The following PRKCE variants were observed in gnomAD, a reference collection of about 807,000 sequenced individuals.
PRKCE encodes the protein protein kinase C epsilon type.
A neutral mutation model predicts 85.4 loss-of-function variants in PRKCE; 16 were observed. That is an observed-to-expected ratio of 0.19 (90% CI 0.13 to 0.28). PRKCE has a LOEUF of 0.28. Ranked by LOEUF, PRKCE falls within the 10% of genes least tolerant of loss-of-function variation. PRKCE has a pLI of 1.00. For missense variants in PRKCE, 573 were observed against 975.2 expected, an observed-to-expected ratio of 0.59 and a Z score of 5.49; for synonymous variants, 388 against 371.5, an observed-to-expected ratio of 1.04 and a Z score of -0.51.
intron 10 of PRKCE, among the ~76,000 whole-genome samples, chr2:46,040,961 C>T (rs1708183945): frequency 6.6e-6 from 1 of 152,164 alleles, no homozygotes; most frequent in Admixed American, 6.5e-5. Flanking sequence ...CCATATGTAC[C>T]AGGAATGAGA....
At chr2:45,756,544 T>G (rs1684020801) in intron 1 of PRKCE, among the ~76,000 whole-genome samples, 1 of 152,226 alleles carries the variant, frequency 6.6e-6, no homozygotes, top group Non-Finnish European at 1.5e-5. Flanking sequence ...TCATGAATGT[T>G]CATAGCAGCT....
At chr2:45,679,941 C>A (rs541445671) in intron 1 of PRKCE, among the ~76,000 whole-genome samples, 1 of 152,270 alleles carries the variant, frequency 6.6e-6, no homozygotes, top group East Asian at 1.9e-4. Context: ...TAGGCTCTGC[C>A]CTGTCTCCAT....
chr2:46,010,992 TA>T, intron 10 of PRKCE: 1 of 1,345,006 alleles, frequency 7.4e-7, no homozygotes, highest in African/African-American at 1.5e-5. Flanking sequence ...AACACAAATA[TA>T]AGGCAGCATT....
intron 1 of PRKCE, among the ~76,000 whole-genome samples, chr2:45,787,354 CAG>C (rs57126648): frequency 7.3e-5 from 11 of 150,982 alleles, no homozygotes; most frequent in African/African-American, 1.2e-4. Flanking sequence ...GAGACAGAGA[CAG>C]AGAGAGAGAG....
rs150097726 is a variant in PRKCE, at chr2:45,907,863, G to T, written c.412+64800G>T. On this transcript the variant is annotated intron_variant, in intron 2 of 14. Transcript: ENST00000306156. This position sits in a 1 kb window ranked among gnomAD's most constrained non-coding sequence, Gnocchi z 4.5. ...TCTGAGCTAATAATACTTGCCGAGT[G>T]CTGAGAACAGTGCCTGGTATCTATG... Among the ~76,000 whole-genome samples the T allele has an allele frequency of 6.1e-3, 931 of 152,314 alleles. 5 individuals are homozygous for T. Among genetic ancestry groups the T allele is most frequent in the Non-Finnish European group, 8.6e-3 (586 of 68,034 alleles).
intron 1 of PRKCE, among the ~76,000 whole-genome samples, chr2:45,719,730 C>A (rs79313488): frequency 2.6e-5 from 4 of 152,170 alleles, no homozygotes; most frequent in African/African-American, 9.6e-5. Flanking sequence ...CTAGATCAAA[C>A]AAAATCATAA....
At chr2:45,988,377 T>TTG (rs1363155341) in intron 6 of PRKCE, among the ~76,000 whole-genome samples, 1 of 152,200 alleles carries the variant, frequency 6.6e-6, no homozygotes, top group Non-Finnish European at 1.5e-5. Context: ...GGTTCAAGCA[T>TTG]TGTGTGTGTA....
At chr2:46,002,908 C>G (rs112469515) in intron 7 of PRKCE, among the ~76,000 whole-genome samples, 8 of 152,312 alleles carry the variant, frequency 5.3e-5, no homozygotes, top group African/African-American at 1.9e-4. Context: ...GAATCTTTGT[C>G]ATGAAACATT....
At chr2:45,844,241 C>T (rs988852215) in intron 2 of PRKCE, among the ~76,000 whole-genome samples, 1 of 152,126 alleles carries the variant, frequency 6.6e-6, no homozygotes, top group Non-Finnish European at 1.5e-5. Context: ...TAGAATTAGG[C>T]CCTCTTTTAA....
chr2:45,908,161 T>G (rs1336362843), intron 2 of PRKCE, among the ~76,000 whole-genome samples: 1 of 152,138 alleles, frequency 6.6e-6, no homozygotes, highest in African/African-American at 2.4e-5. Context: ...ATGTGGCCCC[T>G]CACTGTGCCT....
chr2:45,710,860 A>G, intron 1 of PRKCE, among the ~76,000 whole-genome samples: 1 of 152,246 alleles, frequency 6.6e-6, no homozygotes, highest in East Asian at 1.9e-4. Context: ...CTGGCAGGCC[A>G]GATGACACAA....
chr2:45,794,736 C>T (rs529540511), intron 1 of PRKCE, among the ~76,000 whole-genome samples: 14 of 152,100 alleles, frequency 9.2e-5, no homozygotes, highest in South Asian at 2.1e-4. Flanking sequence ...TTGGACTGTT[C>T]GAATACAAGC....
At chr2:45,750,807 T>C (rs1683496829) in intron 1 of PRKCE, among the ~76,000 whole-genome samples, 1 of 152,144 alleles carries the variant, frequency 6.6e-6, no homozygotes, top group African/African-American at 2.4e-5. Context: ...GCATGCTTGG[T>C]AAGTGTGTGG....
chr2:46,163,541 C>T (rs1677992752), intron 14 of PRKCE, among the ~76,000 whole-genome samples: 2 of 113,124 alleles, frequency 1.8e-5, no homozygotes, highest in South Asian at 7.3e-4. Context: ...GAGGCACTCC[C>T]CACAGAGGCC....
chr2:46,025,489 G>A (rs374591168), intron 10 of PRKCE, among the ~76,000 whole-genome samples: 1 of 152,208 alleles, frequency 6.6e-6, no homozygotes, highest in Non-Finnish European at 1.5e-5. Context: ...GTGAACCAGA[G>A]AATGAAAATC....
chr2:45,683,008 G>A (rs1394250663), intron 1 of PRKCE, among the ~76,000 whole-genome samples: 1 of 152,164 alleles, frequency 6.6e-6, no homozygotes, highest in East Asian at 1.9e-4. Flanking sequence ...AAAGAATATT[G>A]TACGTCTTTT....
At chr2:45,972,070 C>T (rs753570440) in intron 2 of PRKCE, among the ~76,000 whole-genome samples, 1 of 152,216 alleles carries the variant, frequency 6.6e-6, no homozygotes, top group Non-Finnish European at 1.5e-5. Flanking sequence ...TACAATTTTA[C>T]ATTCCCATGA....
intron 11 of PRKCE, among the ~76,000 whole-genome samples, chr2:46,134,397 G>A (rs140905086): frequency 2.6e-5 from 4 of 152,314 alleles, no homozygotes; most frequent in African/African-American, 9.6e-5. Context: ...GGATGGATGA[G>A]GCTAGAAGGC....
chr2:45,835,404 C>T (rs752803360), intron 1 of PRKCE, among the ~76,000 whole-genome samples: 10 of 152,152 alleles, frequency 6.6e-5, no homozygotes, highest in Middle Eastern at 3.2e-3. Flanking sequence ...TCACCCAGGA[C>T]GTTCCCCTGT....
Sources: gnomAD v4.1 joint callset for allele counts (sites outside exome capture counted in the v4.1 genomes callset) on GRCh38, gnomAD v4.1.1 for gene constraint, Gnocchi (gnomAD v3.1) non-coding constraint, MANE v1.5 for transcripts, NCBI Gene and HGNC (gene_info 2026-07-23, HGNC 2026-07-21) for gene names.